Variants in STRN3 observed in about 807,000 individuals in gnomAD.
STRN3 encodes striatin 3.
STRN3 carries 29 observed loss-of-function variants against 95.6 expected under a neutral mutation model. That is an observed-to-expected ratio of 0.30 (90% CI 0.23 to 0.41). The LOEUF (loss-of-function observed/expected upper bound fraction) is 0.41, where lower values mean the gene tolerates loss of function less well. Ranked by LOEUF, STRN3 falls within the 10% of genes least tolerant of loss-of-function variation. The pLI, the probability that STRN3 is intolerant of heterozygous loss-of-function variation, is 1.00. For missense variants in STRN3, 890 were observed against 972.1 expected (o/e 0.92, Z 1.12); for synonymous variants, 331 against 357.6 (o/e 0.93, Z 0.84).
intron 1 of STRN3, among the ~76,000 whole-genome samples, chr14:31,004,991 G>A (rs1164387100): frequency 3.9e-5 from 6 of 152,006 alleles, no homozygotes; most frequent in Non-Finnish European, 8.8e-5. Flanking sequence ...GGGAAAAAGT[G>A]GGCTAAAGGT....
At chr14:31,018,868 A>T (rs1051377808) in intron 1 of STRN3, 1 of 312,548 alleles carries the variant, frequency 3.2e-6, no homozygotes, top group Non-Finnish European at 6.2e-6. Flanking sequence ...CACACCTGTA[A>T]TCCCAGCATT....
At chr14:30,913,737 T>A in intron 9 of STRN3, 80 bp from the exon 10 acceptor site, 1 of 1,447,156 alleles carries the variant, frequency 6.9e-7, no homozygotes, top group Non-Finnish European at 9.3e-7. Context: ...TTTAAGCACT[T>A]AACAGTTACA....
Position 30,935,314 on chromosome 14 carries a change from G to A in STRN3, c.847-10C>T, listed in dbSNP as rs1259551845. The A allele has an allele frequency of 3.1e-6, 5 of 1,610,440 alleles. No individual in the cohort carries two copies. Among genetic ancestry groups the A allele is most frequent in the Non-Finnish European group, 4.2e-6 (5 of 1,178,306 alleles). On this transcript the variant is annotated splice_polypyrimidine_tract_variant and intron_variant, in intron 6 of 17. Coordinates refer to ENST00000357479, the MANE Select transcript of STRN3 (RefSeq NM_001083893.2). Reference sequence around the variant, plus strand: ...AACCTTCATTACCTATCTGTAAATAGAATATAAACCAAGAATTACTTTTAT... The same window carrying A: ...AACCTTCATTACCTATCTGTAAATAAAATATAAACCAAGAATTACTTTTAT...
intron 8 of STRN3, among the ~76,000 whole-genome samples, chr14:30,927,817 C>A (rs1878260120): frequency 6.6e-6 from 1 of 150,782 alleles, no homozygotes; most frequent in African/African-American, 2.4e-5. Flanking sequence ...ACTATAGTCC[C>A]AGCTACTCAG....
chr14:30,931,591 T>G (rs946653808), intron 7 of STRN3, among the ~76,000 whole-genome samples: 4 of 152,230 alleles, frequency 2.6e-5, no homozygotes, highest in African/African-American at 9.6e-5. Context: ...ATTCAGGTGC[T>G]AATTGTATTT....
intron 7 of STRN3, among the ~76,000 whole-genome samples, chr14:30,929,954 C>CAAAAAAAAAAACAAAAAAAAAAAAAAAAA (rs1393194244): frequency 2.5e-5 from 1 of 40,004 alleles, no homozygotes; most frequent in African/African-American, 1.2e-4. Context: ...CTAAGATTAG[C>CAAAAAAAAAAACAAAAAAAAAAAAAAAAA]AAAAAAAAAA....
chr14:30,967,179 T>A (rs971660049), intron 1 of STRN3, among the ~76,000 whole-genome samples: 1 of 123,560 alleles, frequency 8.1e-6, no homozygotes, highest in African/African-American at 3.1e-5. Context: ...GTAGCTCCAC[T>A]CCCACAGGTC....
chr14:30,939,464 A>C (rs558282388), intron 5 of STRN3, among the ~76,000 whole-genome samples: 1 of 152,274 alleles, frequency 6.6e-6, no homozygotes, highest in Admixed American at 6.5e-5. Flanking sequence ...TGAAATAAGG[A>C]ATCAGCCAGT....
intron 1 of STRN3, among the ~76,000 whole-genome samples, chr14:30,971,840 C>G (rs1447691802): frequency 6.6e-6 from 1 of 152,072 alleles, no homozygotes; most frequent in African/African-American, 2.4e-5. Context: ...AATAGGTGTA[C>G]TTATTCTTGT....
intron 1 of STRN3, among the ~76,000 whole-genome samples, chr14:31,017,744 A>G (rs1883310082): frequency 6.6e-6 from 1 of 152,076 alleles, no homozygotes; most frequent in Admixed American, 6.6e-5. Flanking sequence ...AAATTGTCTT[A>G]TGAGGGGCAG....
intron 1 of STRN3, among the ~76,000 whole-genome samples, chr14:31,008,707 T>TAA (rs1337633949): frequency 1.3e-5 from 2 of 152,120 alleles, no homozygotes; most frequent in Non-Finnish European, 2.9e-5. Flanking sequence ...ATTTTGGCTG[T>TAA]AAGCATTGTA....
chr14:30,976,999 C>T (rs973614559), intron 1 of STRN3, among the ~76,000 whole-genome samples: 15 of 150,518 alleles, frequency 1.0e-4, no homozygotes, highest in Non-Finnish European at 1.8e-4. Flanking sequence ...CCGAGGCAGG[C>T]GGATCACATG....
At chr14:30,984,141 C>G (rs1388003918) in intron 1 of STRN3, among the ~76,000 whole-genome samples, 1 of 135,172 alleles carries the variant, frequency 7.4e-6, no homozygotes, top group Non-Finnish European at 1.6e-5. Flanking sequence ...CCCCCAACCC[C>G]CCCCCACACA....
In STRN3 at chr14:30,935,315, A is replaced by T. The variant is rs1485240320; in HGVS notation, c.847-11T>A. On this transcript the variant is annotated splice_polypyrimidine_tract_variant and intron_variant, in intron 6 of 17. Coordinates refer to ENST00000357479, the MANE Select transcript of STRN3 (RefSeq NM_001083893.2). ...ACCTTCATTACCTATCTGTAAATAG[A>T]ATATAAACCAAGAATTACTTTTATC... 1.9e-6 allele frequency: 3 copies of T among 1,610,206 alleles called. No individual in the cohort carries two copies. Among genetic ancestry groups the T allele is most frequent in the South Asian group, 2.2e-5 (2 of 90,410 alleles).
rs200823399 is a variant in STRN3 at position 30,966,459 on chromosome 14, A to AG, written c.283-10218dup. On this transcript the variant is annotated intron_variant, in intron 1 of 17. Transcript: ENST00000357479. ...CAGTCTCTGTTTCTCTCTCGTGAGGAGGTGCACCCTGCCCTATTGTGGCAG... is the reference window on the plus strand; with the variant it reads ...CAGTCTCTGTTTCTCTCTCGTGAGGAGGGTGCACCCTGCCCTATTGTGGCAG... Among the ~76,000 whole-genome samples, 440 of 152,256 alleles carry AG rather than the reference A, an allele frequency of 2.9e-3. 5 individuals are homozygous for AG. Among genetic ancestry groups the AG allele is most frequent in the African/African-American group, 0.01 (419 of 41,548 alleles).
intron 16 of STRN3, among the ~76,000 whole-genome samples, chr14:30,899,170 T>C (rs1896237616): frequency 6.6e-6 from 1 of 152,198 alleles, no homozygotes; most frequent in Non-Finnish European, 1.5e-5. Context: ...GACATTTTGC[T>C]GAATGAATGA....
intron 1 of STRN3, among the ~76,000 whole-genome samples, chr14:30,962,681 C>T (rs572415606): frequency 6.6e-6 from 1 of 152,204 alleles, no homozygotes; most frequent in Admixed American, 6.5e-5. Context: ...ACTACAAGCA[C>T]CTACTACTAT....
intron 5 of STRN3, among the ~76,000 whole-genome samples, chr14:30,938,803 A>C (rs1878950960): frequency 6.6e-6 from 1 of 152,214 alleles, no homozygotes; most frequent in East Asian, 1.9e-4. Context: ...ATGGGGAAAT[A>C]TTTCAAATAG....
Position 30,895,326 on chromosome 14 carries a change from T to A in STRN3, c.*85A>T. On this transcript the variant is annotated 3_prime_UTR_variant, in exon 18 of 18. Coordinates refer to ENST00000357479, the MANE Select transcript of STRN3 (RefSeq NM_001083893.2). ...TTCACCAGGCAGATCACATGTAGTG[T>A]CATATCAGTAACCTTTCTGATGGCA... 7.2e-7 allele frequency: 1 copy of A among 1,383,340 alleles called. No individual in the cohort carries two copies. The highest frequency in any genetic ancestry group is 9.7e-7 in the Non-Finnish European group (1 of 1,035,798). The allele number at this position is 1,383,340 out of a possible 1,614,324, so 85.7% of individuals were successfully genotyped here.
Sources: allele counts gnomAD v4.1 joint callset (sites outside exome capture counted in the v4.1 genomes callset), GRCh38; gene constraint gnomAD v4.1.1; transcripts MANE v1.5; gene names NCBI Gene and HGNC (gene_info 2026-07-23, HGNC 2026-07-21).